DACH2: variants seen among roughly 807,000 people sequenced by gnomAD.
The protein encoded by DACH2 is dachshund homolog 2.
In DACH2, 17 loss-of-function variants were observed where a neutral mutation model predicts 35.8. That is an observed-to-expected ratio of 0.48 (90% CI 0.33 to 0.71). The LOEUF (loss-of-function observed/expected upper bound fraction) is 0.71, where lower values mean the gene tolerates loss of function less well. DACH2 is among the 30% of genes least tolerant of loss of function. The pLI, the probability that DACH2 is intolerant of heterozygous loss-of-function variation, is 0.02. For synonymous variants in DACH2, 195 were observed against 177.3 expected (o/e 1.10, Z -0.79); for missense variants, 469 against 472.7 (o/e 0.99, Z 0.07).
At chrX:86,690,824 A>G (rs2041001451) in intron 4 of DACH2, among the ~76,000 whole-genome samples, 1 of 111,945 alleles carries the variant, frequency 8.9e-6, no homozygotes, top group Non-Finnish European at 1.9e-5. Context: ...TTGGGATTAA[A>G]TTAGTTAGTG....
intron 1 of DACH2, among the ~76,000 whole-genome samples, chrX:86,227,893 A>G (rs2032861111): frequency 9.0e-6 from 1 of 111,557 alleles, no homozygotes; most frequent in Non-Finnish European, 1.9e-5. Flanking sequence ...TACCTAGAAT[A>G]ATCTTTGTTT....
intron 3 of DACH2, among the ~76,000 whole-genome samples, chrX:86,638,546 TAAAC>T (rs1319592418): frequency 1.8e-5 from 2 of 110,477 alleles, no homozygotes; most frequent in Admixed American, 9.7e-5. Flanking sequence ...ATAAGAAACT[TAAAC>T]AACTCAACAA....
chrX:86,277,998 A>G (rs1423650985), intron 1 of DACH2, among the ~76,000 whole-genome samples: 3 of 111,764 alleles, frequency 2.7e-5, no homozygotes, highest in African/African-American at 9.8e-5. Context: ...TGGATTTTAG[A>G]CAACAACTGG....
chrX:86,438,417 G>T (rs916803216), intron 2 of DACH2, among the ~76,000 whole-genome samples: 2 of 109,946 alleles, frequency 1.8e-5, no homozygotes, highest in Non-Finnish European at 1.9e-5. Flanking sequence ...GTAGAGACGG[G>T]GTTTTGCCAT....
intron 2 of DACH2, among the ~76,000 whole-genome samples, chrX:86,451,318 C>A: frequency 8.9e-6 from 1 of 111,778 alleles, no homozygotes; most frequent in East Asian, 2.8e-4. Context: ...ATAGGTAATT[C>A]TTTCCCCATT....
chrX:86,617,081 C>A (rs767072208), intron 3 of DACH2, among the ~76,000 whole-genome samples: 2 of 111,370 alleles, frequency 1.8e-5, no homozygotes, highest in South Asian at 7.5e-4. Flanking sequence ...AGGTGTATGT[C>A]ATTATTTCTG....
intron 1 of DACH2, among the ~76,000 whole-genome samples, chrX:86,347,182 T>C (rs2035510856): frequency 8.9e-6 from 1 of 112,206 alleles, no homozygotes; most frequent in South Asian, 3.7e-4. Context: ...TTTAAAACAA[T>C]AACAAGCGAG....
At chrX:86,654,390 A>T (rs2040517493) in intron 4 of DACH2, among the ~76,000 whole-genome samples, 1 of 109,994 alleles carries the variant, frequency 9.1e-6, no homozygotes, top group South Asian at 3.9e-4. Context: ...ATTAAAGAGG[A>T]AAATTATTGA....
intron 1 of DACH2, among the ~76,000 whole-genome samples, chrX:86,312,829 A>G (rs1221306632): frequency 4.5e-5 from 5 of 111,057 alleles, no homozygotes; most frequent in Non-Finnish European, 9.4e-5. Context: ...TACTCAATAA[A>G]CTCTCCTATT....
intron 1 of DACH2, among the ~76,000 whole-genome samples, chrX:86,269,154 C>T (rs2033768897): frequency 9.1e-6 from 1 of 110,445 alleles, no homozygotes; most frequent in African/African-American, 3.3e-5. Flanking sequence ...TTCTCAGCCT[C>T]TGGTAACCAG....
chrX:86,263,035 G>T, intron 1 of DACH2: 1 of 742,669 alleles, frequency 1.3e-6, no homozygotes, highest in Non-Finnish European at 1.6e-6. Flanking sequence ...AATTCTTTGT[G>T]CTAGCAAAAC....
intron 2 of DACH2, among the ~76,000 whole-genome samples, chrX:86,424,629 G>T (rs1264968702): frequency 9.0e-6 from 1 of 111,238 alleles, no homozygotes; most frequent in Non-Finnish European, 1.9e-5. Flanking sequence ...TTGCAAACAA[G>T]AATACTTTAA....
At chrX:86,660,822 TG>T (rs2148414633) in intron 4 of DACH2, among the ~76,000 whole-genome samples, 1 of 111,584 alleles carries the variant, frequency 9.0e-6, no homozygotes, top group African/African-American at 3.2e-5. Context: ...CTTATTATTT[TG>T]TTTCTGTTTA....
chrX:86,273,836 T>G (rs1210306741), intron 1 of DACH2, among the ~76,000 whole-genome samples: 1 of 112,406 alleles, frequency 8.9e-6, no homozygotes, highest in Non-Finnish European at 1.9e-5. Context: ...ACACCCCAAT[T>G]CACATTTAAG....
intron 2 of DACH2, among the ~76,000 whole-genome samples, chrX:86,389,637 G>A (rs777347247): frequency 8.9e-6 from 1 of 111,992 alleles, no homozygotes; most frequent in East Asian, 2.8e-4. Context: ...AAATTGATCA[G>A]TTTAGGTCGT....
At chrX:86,470,274 A>G (rs768411013) in intron 2 of DACH2, among the ~76,000 whole-genome samples, 65 of 111,953 alleles carry the variant, frequency 5.8e-4, no homozygotes, top group African/African-American at 1.8e-3. Context: ...CACTTTTAAT[A>G]GCTATATTTT....
chrX:86,620,243 A>C (rs1293911903), intron 3 of DACH2, among the ~76,000 whole-genome samples: 3 of 111,657 alleles, frequency 2.7e-5, no homozygotes, highest in Non-Finnish European at 5.6e-5. Context: ...TAAAGTGGAG[A>C]AGTTAGTTGC....
Position 86,258,886 on chromosome X carries a change from T to C in DACH2, c.488+109778T>C, listed in dbSNP as rs191610546. On this transcript the variant is annotated intron_variant, in intron 1 of 11. Coordinates refer to ENST00000373125, the MANE Select transcript of DACH2 (RefSeq NM_053281.3). Reference sequence around the variant, plus strand: ...CATGTAGAAATTGTCTATTTTAAAATATTTAGCCATATGTCAAATATAAAA... The same window carrying C: ...CATGTAGAAATTGTCTATTTTAAAACATTTAGCCATATGTCAAATATAAAA... 5.4e-3 allele frequency among the ~76,000 whole-genome samples: 603 copies of C among 111,895 alleles called. 4 individuals are homozygous for C. The highest frequency in any genetic ancestry group is 0.018 in the African/African-American group (560 of 30,930).
chrX:86,651,253 A>G, intron 4 of DACH2, 86 bp downstream of exon 4: 1 of 980,083 alleles, frequency 1.0e-6, no homozygotes, highest in Non-Finnish European at 1.4e-6. Flanking sequence ...TGGAGGAGAG[A>G]ATAATAAGTC....
Sources: gnomAD v4.1 joint callset for allele counts (sites outside exome capture counted in the v4.1 genomes callset) on GRCh38, gnomAD v4.1.1 for gene constraint, MANE v1.5 for transcripts, NCBI Gene and HGNC (gene_info 2026-07-23, HGNC 2026-07-21) for gene names.